Variants in SCFD2 observed in about 807,000 individuals in gnomAD.
SCFD2 encodes sec1 family domain containing 2.
A neutral mutation model predicts 58.9 loss-of-function variants in SCFD2; 54 were observed. That is an observed-to-expected ratio of 0.92 (90% CI 0.74 to 1.15). The LOEUF (loss-of-function observed/expected upper bound fraction) is 1.15, where lower values mean the gene tolerates loss of function less well. Ranked by LOEUF, SCFD2 falls within the 50% of genes most tolerant of loss-of-function variation. SCFD2 has a pLI of 0.00. For synonymous variants in SCFD2, 321 were observed against 335.9 expected, an observed-to-expected ratio of 0.96 and a Z score of 0.49; for missense variants, 805 against 836.6, an observed-to-expected ratio of 0.96 and a Z score of 0.47.
chr4:52,985,079 A>G (rs1721458174), intron 5 of SCFD2, among the ~76,000 whole-genome samples: 1 of 152,228 alleles, frequency 6.6e-6, no homozygotes, highest in Non-Finnish European at 1.5e-5. Context: ...TTTAATTGGG[A>G]GCTGTACAGC....
chr4:53,209,107 T>C (rs1033917867), intron 4 of SCFD2, among the ~76,000 whole-genome samples: 1 of 152,128 alleles, frequency 6.6e-6, no homozygotes, highest in African/African-American at 2.4e-5. Context: ...CAAACTGAAA[T>C]GAGTTGGTCA....
intron 2 of SCFD2, among the ~76,000 whole-genome samples, chr4:53,318,628 C>T (rs781210233): frequency 3.3e-5 from 5 of 152,076 alleles, no homozygotes; most frequent in Non-Finnish European, 5.9e-5. Flanking sequence ...ACCCTTTGTG[C>T]TCTACTATAA....
At chr4:53,217,059 C>T (rs1156868612) in intron 4 of SCFD2, among the ~76,000 whole-genome samples, 1 of 152,180 alleles carries the variant, frequency 6.6e-6, no homozygotes, top group Non-Finnish European at 1.5e-5. Context: ...GAGTGCTTTA[C>T]TTCCAGCTAT....
Position 52,920,888 on chromosome 4 carries a change from T to G in SCFD2, c.1562-18A>C. The G allele has an allele frequency of 6.3e-7, 1 of 1,580,898 alleles. No homozygotes were observed. The highest frequency in any genetic ancestry group is 1.8e-5 in the Admixed American group (1 of 56,272). ...GTCCCAGTCTGAAAAAATCCAGAGA[T>G]ATTTTCTTGAGTGAGTAAATCTTTA... On this transcript the variant is annotated intron_variant, in intron 5 of 8. Transcript: ENST00000401642.
intron 4 of SCFD2, among the ~76,000 whole-genome samples, chr4:53,228,610 G>A (rs934762849): frequency 2.6e-5 from 4 of 152,082 alleles, no homozygotes; most frequent in African/African-American, 4.8e-5. Flanking sequence ...AGGTATTAAT[G>A]GGACGTATCT....
intron 5 of SCFD2, among the ~76,000 whole-genome samples, chr4:52,982,295 T>C: frequency 6.6e-6 from 1 of 152,184 alleles, no homozygotes; most frequent in East Asian, 1.9e-4. Flanking sequence ...CAGATCAGAA[T>C]TGTGATGTAG....
At chr4:53,110,763 G>C (rs190195230) in intron 5 of SCFD2, among the ~76,000 whole-genome samples, 8 of 152,324 alleles carry the variant, frequency 5.3e-5, no homozygotes, top group African/African-American at 1.9e-4. Context: ...TTGATCCATT[G>C]TGGAAGACAG....
intron 4 of SCFD2, among the ~76,000 whole-genome samples, chr4:53,237,685 GC>G: frequency 7.6e-6 from 1 of 131,536 alleles, no homozygotes; most frequent in Non-Finnish European, 1.7e-5. Context: ...GGCTGGCCGG[GC>G]AGAGGGGCTC....
chr4:53,139,786 G>GA (rs1225934848), intron 5 of SCFD2, among the ~76,000 whole-genome samples: 4 of 152,268 alleles, frequency 2.6e-5, no homozygotes, highest in Non-Finnish European at 4.4e-5. Context: ...GTGGGGAAAA[G>GA]AAAGAGAGAT....
Position 53,209,771 on chromosome 4 carries a change from T to TA in SCFD2, c.1311+64054dup, listed in dbSNP as rs879825318. ...TAACTTTGTAGTCTTCTTTCTCCAT[T>TA]AAAAAAAAAAATACAAAATTGGAAA... On this transcript the variant is annotated intron_variant, in intron 4 of 8. Coordinates refer to ENST00000401642, the MANE Select transcript of SCFD2 (RefSeq NM_152540.4). 4.0e-3 allele frequency among the ~76,000 whole-genome samples: 584 copies of TA among 145,694 alleles called. 4 individuals are homozygous for TA. The highest frequency in any genetic ancestry group is 0.012 in the African/African-American group (460 of 39,900).
In SCFD2 at chr4:53,308,487, C is replaced by CCTCT. The variant is rs140442703; in HGVS notation, c.1135+5145_1135+5148dup. ...ATTTCTCACTCTTTCTCCTCCCATC[C>CCTCT]CTCTCTCTCTCTCTTTCTCTCTCTC... On this transcript the variant is annotated intron_variant, in intron 3 of 8. Transcript: ENST00000401642. Among the ~76,000 whole-genome samples the CCTCT allele has an allele frequency of 5.3e-5, 8 of 151,456 alleles. No individual in the cohort carries two copies. In the East Asian group the frequency reaches 1.5e-3, roughly 29 times the overall value.
intron 4 of SCFD2, among the ~76,000 whole-genome samples, chr4:53,147,134 C>T (rs1269082104): frequency 6.6e-6 from 1 of 152,146 alleles, no homozygotes; most frequent in Non-Finnish European, 1.5e-5. Context: ...GCCTGCACAA[C>T]AGAGCAAGAT....
intron 5 of SCFD2, among the ~76,000 whole-genome samples, chr4:53,031,602 T>C (rs1722616643): frequency 6.6e-6 from 1 of 152,088 alleles, no homozygotes; most frequent in Admixed American, 6.6e-5. Context: ...TGACCTGATG[T>C]AGATGAAAAA....
intron 4 of SCFD2, among the ~76,000 whole-genome samples, chr4:53,237,669 C>G (rs1418001870): frequency 9.7e-6 from 1 of 103,154 alleles, no homozygotes. Context: ...CCCTCCCGGA[C>G]GGGGCGGCTG....
chr4:52,910,663 T>C (rs1315308273), intron 6 of SCFD2, among the ~76,000 whole-genome samples: 3 of 152,188 alleles, frequency 2.0e-5, no homozygotes, highest in Non-Finnish European at 4.4e-5. Context: ...AATATACCCC[T>C]GATATGGTTT....
intron 6 of SCFD2, among the ~76,000 whole-genome samples, chr4:52,913,128 A>G (rs548528094): frequency 3.0e-4 from 45 of 152,206 alleles, no homozygotes; most frequent in African/African-American, 9.9e-4. Flanking sequence ...TGGATATCCA[A>G]TGTGGGCTGG....
rs1323801911 is a variant in SCFD2 at position 53,352,684 on chromosome 4, C to T, written c.921G>A (p.Val307=). ...LPQLPGHTND[V]MVNMIALTAL... ...CAGTGAGCGCTATCATGTTAACCAT[C>T]ACATCATTTGTGTGGCCTGGGAGCT... The change falls in exon 2 of 9, where the codon GTG becomes GTA. Residue 307 remains valine (V), a synonymous_variant. Transcript: ENST00000401642. The T allele has an allele frequency of 6.2e-7, 1 of 1,613,914 alleles. No homozygotes were observed. Among genetic ancestry groups the T allele is most frequent in the African/African-American group, 1.3e-5 (1 of 74,930 alleles).
intron 4 of SCFD2, among the ~76,000 whole-genome samples, chr4:53,216,149 T>A (rs1728823664): frequency 6.6e-6 from 1 of 152,244 alleles, no homozygotes; most frequent in Non-Finnish European, 1.5e-5. Context: ...GTCAGGATGA[T>A]GCTGGCCTCA....
At chr4:53,124,885 T>C (rs1725580641) in intron 5 of SCFD2, among the ~76,000 whole-genome samples, 1 of 152,154 alleles carries the variant, frequency 6.6e-6, no homozygotes, top group African/African-American at 2.4e-5. Flanking sequence ...ACTTAATTAA[T>C]AGAAGAGAGA....
Sources: allele counts gnomAD v4.1 joint callset (sites outside exome capture counted in the v4.1 genomes callset), GRCh38; gene constraint gnomAD v4.1.1; transcripts MANE v1.5; gene names NCBI Gene and HGNC (gene_info 2026-07-23, HGNC 2026-07-21).